WWOX: variants seen among roughly 807,000 people sequenced by gnomAD.
The protein encoded by WWOX is WW domain-containing oxidoreductase.
A neutral mutation model predicts 46.2 loss-of-function variants in WWOX; 69 were observed. That is an observed-to-expected ratio of 1.49 (90% CI 1.23 to 1.82). The LOEUF (loss-of-function observed/expected upper bound fraction) is 1.82, where lower values mean the gene tolerates loss of function less well. WWOX is among the 40% of genes most tolerant of loss of function. The pLI is 0.00. For missense variants in WWOX, 919 were observed against 542.6 expected, an observed-to-expected ratio of 1.69 and a Z score of -6.89; for synonymous variants, 359 against 202.6, an observed-to-expected ratio of 1.77 and a Z score of -6.56.
chr16:79,088,426 G>T (rs558188034), intron 8 of WWOX, among the ~76,000 whole-genome samples: 61 of 152,314 alleles, frequency 4.0e-4, no homozygotes, highest in African/African-American at 1.4e-3. Context: ...CGTAGGTCTG[G>T]CCCTGAGCCG....
At chr16:78,198,206 C>T (rs1160886060) in intron 5 of WWOX, among the ~76,000 whole-genome samples, 1 of 152,056 alleles carries the variant, frequency 6.6e-6, no homozygotes, top group African/African-American at 2.4e-5. Flanking sequence ...CAGCTACTTC[C>T]AGACTGATTC....
intron 5 of WWOX, among the ~76,000 whole-genome samples, chr16:78,375,700 A>G (rs933725638): frequency 1.3e-5 from 2 of 152,180 alleles, no homozygotes; most frequent in Non-Finnish European, 2.9e-5. Flanking sequence ...TAGTGAGTCT[A>G]CTTCCAGGAA....
At chr16:78,426,202 C>G (rs1482897456) in intron 7 of WWOX, among the ~76,000 whole-genome samples, 1 of 152,208 alleles carries the variant, frequency 6.6e-6, no homozygotes, top group Non-Finnish European at 1.5e-5. Flanking sequence ...TTGCAAATCA[C>G]ACCAGGTTTG....
chr16:78,957,646 G>T (rs2046194797), intron 8 of WWOX, among the ~76,000 whole-genome samples: 2 of 152,178 alleles, frequency 1.3e-5, no homozygotes, highest in South Asian at 4.1e-4. Flanking sequence ...AAAAACTACA[G>T]ATTCTATCTC....
At chr16:78,616,643 C>G (rs2046032471) in intron 8 of WWOX, among the ~76,000 whole-genome samples, 1 of 151,842 alleles carries the variant, frequency 6.6e-6, no homozygotes, top group South Asian at 2.1e-4. Flanking sequence ...GTGGCTTGTG[C>G]TTGTAATCCC....
intron 8 of WWOX, among the ~76,000 whole-genome samples, chr16:78,681,242 A>G (rs1161654013): frequency 2.6e-5 from 4 of 151,896 alleles, no homozygotes; most frequent in Admixed American, 2.0e-4. Flanking sequence ...CTGTCTCATA[A>G]ATAAATAAAT....
intron 3 of WWOX, among the ~76,000 whole-genome samples, chr16:78,112,977 A>G (rs1013010652): frequency 6.6e-6 from 1 of 152,086 alleles, no homozygotes; most frequent in African/African-American, 2.4e-5. Context: ...AAGCATTCAT[A>G]TTACAGGCAT....
At chr16:78,319,812 C>G (rs932432722) in intron 5 of WWOX, among the ~76,000 whole-genome samples, 1 of 152,134 alleles carries the variant, frequency 6.6e-6, no homozygotes, top group Non-Finnish European at 1.5e-5. Context: ...CGCCCTTAGC[C>G]TTTCTTTCAG....
chr16:79,173,624 T>C (rs956132103), intron 8 of WWOX, among the ~76,000 whole-genome samples: 2 of 151,290 alleles, frequency 1.3e-5, no homozygotes, highest in African/African-American at 4.9e-5. Flanking sequence ...AAAGCCTTTC[T>C]CTTGAAAAAT....
intron 8 of WWOX, among the ~76,000 whole-genome samples, chr16:78,842,009 A>G: frequency 6.6e-6 from 1 of 152,220 alleles, no homozygotes; most frequent in East Asian, 1.9e-4. Context: ...TAAGAGACAC[A>G]CTATAAAGGT....
chr16:78,103,595 G>A (rs1459297322), intron 1 of WWOX, among the ~76,000 whole-genome samples: 1 of 152,110 alleles, frequency 6.6e-6, no homozygotes, highest in African/African-American at 2.4e-5. Context: ...CTCCTGATCT[G>A]TGAGCATCCT....
intron 8 of WWOX, among the ~76,000 whole-genome samples, chr16:78,440,801 T>G (rs1248779385): frequency 6.6e-6 from 1 of 152,058 alleles, no homozygotes; most frequent in African/African-American, 2.4e-5. Context: ...ATATTTTTAG[T>G]AGAAGCGGGG....
intron 8 of WWOX, among the ~76,000 whole-genome samples, chr16:79,080,884 C>G (rs186522260): frequency 1.3e-5 from 2 of 152,146 alleles, no homozygotes; most frequent in East Asian, 1.9e-4. Context: ...GGCAGGTATC[C>G]CAACAGATGC....
intron 8 of WWOX, among the ~76,000 whole-genome samples, chr16:78,595,643 TTGA>T (rs1467146107): frequency 6.6e-6 from 1 of 152,202 alleles, no homozygotes; most frequent in Non-Finnish European, 1.5e-5. Flanking sequence ...TGTGGATGTC[TTGA>T]TGATGAGCCA....
intron 8 of WWOX, among the ~76,000 whole-genome samples, chr16:78,856,453 G>C (rs1188612428): frequency 1.3e-5 from 2 of 152,162 alleles, no homozygotes; most frequent in Non-Finnish European, 2.9e-5. Flanking sequence ...GACCAGCCTG[G>C]CCAACATCAC....
At chr16:78,752,351 G>A (rs530470393) in intron 8 of WWOX, among the ~76,000 whole-genome samples, 4 of 152,150 alleles carry the variant, frequency 2.6e-5, no homozygotes, top group African/African-American at 9.7e-5. Context: ...ACAGTGATGC[G>A]ATCTCAGCTT....
At chr16:78,775,216 T>C (rs536748687) in intron 8 of WWOX, among the ~76,000 whole-genome samples, 1 of 152,304 alleles carries the variant, frequency 6.6e-6, no homozygotes, top group South Asian at 2.1e-4. Flanking sequence ...AACTGAAAGA[T>C]TATCAGGACT....
intron 8 of WWOX, among the ~76,000 whole-genome samples, chr16:78,613,653 G>C (rs1334753272): frequency 6.6e-6 from 1 of 152,194 alleles, no homozygotes; most frequent in Non-Finnish European, 1.5e-5. Flanking sequence ...TATTGCTAGA[G>C]ATGGCTGCAG....
chr16:79,201,532 A>T (rs1025995602), intron 8 of WWOX, among the ~76,000 whole-genome samples: 1 of 152,176 alleles, frequency 6.6e-6, no homozygotes, highest in Non-Finnish European at 1.5e-5. Context: ...TGGAAACTTC[A>T]ATAAAAAAGT....
Sources: gnomAD v4.1 joint callset for allele counts (sites outside exome capture counted in the v4.1 genomes callset) on GRCh38, gnomAD v4.1.1 for gene constraint, MANE v1.5 for transcripts, NCBI Gene and HGNC (gene_info 2026-07-23, HGNC 2026-07-21) for gene names.